Variants in TNFRSF10D observed in about 807,000 individuals in gnomAD.
TNFRSF10D encodes tumor necrosis factor receptor superfamily member 10D.
Under a neutral mutation model 42.1 loss-of-function variants are expected in TNFRSF10D, and 28 were observed. The ratio of observed to expected loss-of-function variants is 0.66; its 90% CI spans 0.49 to 0.91. TNFRSF10D has a LOEUF of 0.91. TNFRSF10D is among the 40% of genes least tolerant of loss of function. TNFRSF10D has a pLI of 0.00. For missense variants in TNFRSF10D, 503 were observed against 486.1 expected (o/e 1.03, Z -0.33); for synonymous variants, 186 against 189.4 (o/e 0.98, Z 0.15).
At chr8:23,162,319 G>A (rs1031660791) in intron 1 of TNFRSF10D, among the ~76,000 whole-genome samples, 2 of 152,160 alleles carry the variant, frequency 1.3e-5, no homozygotes, top group African/African-American at 2.4e-5. Context: ...TCTCTCTTCA[G>A]GGCCACTGTC....
chr8:23,155,058 C>A (rs916030070), intron 1 of TNFRSF10D, 79 bp from the exon 2 acceptor site: 11 of 1,132,760 alleles, frequency 9.7e-6, no homozygotes, highest in East Asian at 2.7e-5. Flanking sequence ...ATTCCCTTCA[C>A]CCCAAGTGAC....
At position 23,161,214 on chromosome 8, in the gene TNFRSF10D, G is replaced by A. The variant is rs565347662; in HGVS notation, c.150+2572C>T. Among the ~76,000 whole-genome samples, 5 of 152,318 alleles carry A rather than the reference G, an allele frequency of 3.3e-5. No individual in the cohort carries two copies. The South Asian group carries it at 1.0e-3, about 32-fold the overall frequency. On this transcript the variant is annotated intron_variant, in intron 1 of 8. Coordinates refer to ENST00000312584, the MANE Select transcript of TNFRSF10D (RefSeq NM_003840.5). ...CTCTTCACTTTACAGGCAGGAGCTG[G>A]GGCCACACCAGTGTCACAGAGCTGG...
At position 23,158,488 on chromosome 8, in the gene TNFRSF10D, T is replaced by A. The variant is rs557308139; in HGVS notation, c.151-3509A>T. ...CCATCTCATATAGACAAGATATAGCTGAGTCTTGTTTTTTCAGCCCTTCCA... is the reference window on the plus strand; with the variant it reads ...CCATCTCATATAGACAAGATATAGCAGAGTCTTGTTTTTTCAGCCCTTCCA... On this transcript the variant is annotated intron_variant, in intron 1 of 8. Coordinates refer to ENST00000312584, the MANE Select transcript of TNFRSF10D (RefSeq NM_003840.5). Among the ~76,000 whole-genome samples the A allele has an allele frequency of 2.0e-5, 3 of 152,326 alleles. No homozygotes were observed. In the South Asian group the frequency reaches 6.2e-4, roughly 32 times the overall value.
chr8:23,145,035 A>G, intron 6 of TNFRSF10D, 23 bp downstream of exon 6: 3 of 1,614,086 alleles, frequency 1.9e-6, no homozygotes, highest in Non-Finnish European at 2.5e-6. Flanking sequence ...CGAAGCCCCC[A>G]GTTTCTGGAG....
At chr8:23,148,587 C>T (rs773282278) in intron 2 of TNFRSF10D, 36 bp from the exon 3 acceptor site, 22 of 1,504,018 alleles carry the variant, frequency 1.5e-5, no homozygotes, top group Non-Finnish European at 1.9e-5. Context: ...AATGAGTCAC[C>T]ACAGAATTCC....
intron 2 of TNFRSF10D, among the ~76,000 whole-genome samples, chr8:23,151,921 G>C (rs1017349211): frequency 3.4e-4 from 51 of 151,986 alleles, no homozygotes; most frequent in Non-Finnish European, 1.3e-4. Context: ...CCTTGCCCTG[G>C]GGGGGATCCA....
At chr8:23,151,050 T>A (rs1201386347) in intron 2 of TNFRSF10D, among the ~76,000 whole-genome samples, 1 of 152,072 alleles carries the variant, frequency 6.6e-6, no homozygotes. Flanking sequence ...GACATCCACA[T>A]TCATGAAGCC....
Position 23,135,996 on chromosome 8 carries a change from C to A in TNFRSF10D, c.*1874G>T, listed in dbSNP as rs967650251. 2 of 438,974 alleles carry A rather than the reference C, an allele frequency of 4.6e-6. No homozygotes were observed. The highest frequency in any genetic ancestry group is 4.0e-5 in the African/African-American group (2 of 49,706). 27.2% of individuals were successfully genotyped at this position (438,974 alleles called of 1,614,324 possible). A position where few individuals can be genotyped will look rare whatever the true frequency, so the allele number is the denominator to read the frequency against. ...GTGGGAGAGGATGGAAGTGCGAAGA[C>A]CGGAAAGGCCATCCCCTCCTAAAAC... On this transcript the variant is annotated 3_prime_UTR_variant, in exon 9 of 9. Coordinates refer to ENST00000312584, the MANE Select transcript of TNFRSF10D (RefSeq NM_003840.5).
At chr8:23,149,519 G>A (rs1469570986) in intron 2 of TNFRSF10D, among the ~76,000 whole-genome samples, 13 of 147,282 alleles carry the variant, frequency 8.8e-5, no homozygotes, top group African/African-American at 2.5e-4. Context: ...GATTACAGGC[G>A]TGAGCCACCA....
At chr8:23,159,435 T>G (rs182687710) in intron 1 of TNFRSF10D, among the ~76,000 whole-genome samples, 1 of 152,218 alleles carries the variant, frequency 6.6e-6, no homozygotes, top group Non-Finnish European at 1.5e-5. Context: ...TGTGCAGACC[T>G]TGTTAGAACA....
At chr8:23,158,048 A>C (rs950974908) in intron 1 of TNFRSF10D, among the ~76,000 whole-genome samples, 1 of 152,234 alleles carries the variant, frequency 6.6e-6, no homozygotes, top group Non-Finnish European at 1.5e-5. Flanking sequence ...GCCAACCTAT[A>C]AAACCCCAAC....
chr8:23,149,181 C>A (rs1169816727), intron 2 of TNFRSF10D, among the ~76,000 whole-genome samples: 1 of 108,766 alleles, frequency 9.2e-6, no homozygotes, highest in Admixed American at 1.1e-4. Flanking sequence ...CAGAGCAAGA[C>A]TCTGTCTCAA....
intron 3 of TNFRSF10D, 111 bp from the exon 4 acceptor site, chr8:23,147,183 C>T: frequency 1.1e-6 from 1 of 878,988 alleles, no homozygotes; most frequent in Non-Finnish European, 1.8e-6. Flanking sequence ...CCAAGGAGTT[C>T]TGAGGGCTGG....
chr8:23,144,152 G>A (rs1266285321), intron 7 of TNFRSF10D, among the ~76,000 whole-genome samples: 1 of 152,208 alleles, frequency 6.6e-6, no homozygotes, highest in Non-Finnish European at 1.5e-5. Context: ...AGGAGCACAC[G>A]ATGGAGACTG....
At chr8:23,147,756 G>C (rs1391329345) in intron 3 of TNFRSF10D, among the ~76,000 whole-genome samples, 1 of 151,974 alleles carries the variant, frequency 6.6e-6, no homozygotes, top group Non-Finnish European at 1.5e-5. Context: ...GAGAAACCCT[G>C]TCTCTACTAA....
At chr8:23,144,911 C>T in intron 6 of TNFRSF10D, 147 bp downstream of exon 6, 2 of 1,254,490 alleles carry the variant, frequency 1.6e-6, no homozygotes, top group South Asian at 1.2e-5. Flanking sequence ...GCCGTGTGTC[C>T]CCCACAGTCA....
chr8:23,148,590 A>G, intron 2 of TNFRSF10D, 39 bp from the exon 3 acceptor site: 3 of 1,485,120 alleles, frequency 2.0e-6, no homozygotes, highest in Non-Finnish European at 1.9e-6. Context: ...GAGTCACCAC[A>G]GAATTCCCAG....
chr8:23,159,107 G>T (rs1459193515), intron 1 of TNFRSF10D, among the ~76,000 whole-genome samples: 902 of 151,726 alleles, frequency 5.9e-3, no homozygotes, highest in African/African-American at 0.019. Flanking sequence ...GTGTGTGTGT[G>T]TCTGTGTCTG....
intron 7 of TNFRSF10D, among the ~76,000 whole-genome samples, chr8:23,144,229 T>G (rs937423404): frequency 5.9e-5 from 9 of 152,214 alleles, no homozygotes; most frequent in African/African-American, 2.2e-4. Context: ...ATCCAGGCTC[T>G]GGGGACACAG....
Sources: gnomAD v4.1 joint callset for allele counts (sites outside exome capture counted in the v4.1 genomes callset) on GRCh38, gnomAD v4.1.1 for gene constraint, MANE v1.5 for transcripts, NCBI Gene and HGNC (gene_info 2026-07-23, HGNC 2026-07-21) for gene names.